NKAIN2: variants seen among roughly 807,000 people sequenced by gnomAD.
NKAIN2 encodes sodium/potassium transporting ATPase interacting 2.
In NKAIN2, 14 loss-of-function variants were observed where a neutral mutation model predicts 32.6. That is an observed-to-expected ratio of 0.43 (90% CI 0.28 to 0.67). The LOEUF (loss-of-function observed/expected upper bound fraction) is 0.67. NKAIN2 is among the 30% of genes least tolerant of loss of function. The pLI, the probability that NKAIN2 is intolerant of heterozygous loss-of-function variation, is 0.17. For synonymous variants in NKAIN2, 80 were observed against 87.2 expected (o/e 0.92, Z 0.46); for missense variants, 198 against 258.3 (o/e 0.77, Z 1.60).
intron 4 of NKAIN2, among the ~76,000 whole-genome samples, chr6:124,743,965 TAAAC>T (rs1777343713): frequency 6.6e-6 from 1 of 151,802 alleles, no homozygotes; most frequent in Admixed American, 6.6e-5. Flanking sequence ...TAATTTCTAA[TAAAC>T]AAAATAAAAA....
At chr6:124,012,416 A>C (rs1780379384) in intron 1 of NKAIN2, among the ~76,000 whole-genome samples, 3 of 150,486 alleles carry the variant, frequency 2.0e-5, no homozygotes, top group Admixed American at 1.3e-4. Flanking sequence ...GCTCACTGCA[A>C]GCTCCGCCTC....
rs944696366 is a variant in NKAIN2, at chr6:124,050,757, T to C, written c.55-232248T>C. 2.0e-5 allele frequency among the ~76,000 whole-genome samples: 3 copies of C among 152,082 alleles called. No homozygotes were observed. The East Asian group carries it at 5.8e-4, about 29-fold the overall frequency. On this transcript the variant is annotated intron_variant, in intron 1 of 6. Transcript: ENST00000368417. The stretch of plus-strand genomic sequence containing the variant: ...CTGTTTGTTTACTTCAATCCAACAA[T>C]GTAATTCAGTTGAAAGCATTTTATT...
At chr6:124,576,264 C>CT (rs1015333592) in intron 3 of NKAIN2, among the ~76,000 whole-genome samples, 9 of 152,102 alleles carry the variant, frequency 5.9e-5, no homozygotes, top group African/African-American at 1.9e-4. Flanking sequence ...GAACTAGTAA[C>CT]TTTTTTCATG....
intron 1 of NKAIN2, among the ~76,000 whole-genome samples, chr6:124,189,681 AAAAAAT>A (rs1165547013): frequency 1.3e-5 from 2 of 152,190 alleles, no homozygotes; most frequent in Non-Finnish European, 2.9e-5. Context: ...ACTCCATCTC[AAAAAAT>A]AAAAATAAAA....
chr6:124,448,098 A>G (rs905706652), intron 3 of NKAIN2, among the ~76,000 whole-genome samples: 5 of 152,114 alleles, frequency 3.3e-5, no homozygotes, highest in Non-Finnish European at 2.9e-5. Context: ...CTGTTTGTCA[A>G]CTAAATGGCG....
chr6:123,825,826 A>G (rs1774125338), intron 1 of NKAIN2, among the ~76,000 whole-genome samples: 1 of 152,138 alleles, frequency 6.6e-6, no homozygotes, highest in Non-Finnish European at 1.5e-5. Flanking sequence ...TTGGTATGAT[A>G]CGTGTTTTCA....
intron 1 of NKAIN2, among the ~76,000 whole-genome samples, chr6:124,024,585 T>A (rs576940808): frequency 1.3e-5 from 2 of 151,974 alleles, no homozygotes; most frequent in Non-Finnish European, 2.9e-5. Context: ...TATACTTAAA[T>A]TATCAGTTTT....
chr6:124,728,135 A>G (rs1370023154), intron 4 of NKAIN2, among the ~76,000 whole-genome samples: 1 of 138,820 alleles, frequency 7.2e-6, no homozygotes, highest in Non-Finnish European at 1.6e-5. Flanking sequence ...CACTGTCAAC[A>G]TTAGACAGAT....
chr6:124,394,531 T>C (rs373267244), intron 3 of NKAIN2, among the ~76,000 whole-genome samples: 2 of 149,684 alleles, frequency 1.3e-5, no homozygotes, highest in African/African-American at 4.9e-5. Context: ...GACAGACAGA[T>C]AGATACATAG....
At chr6:123,825,461 AC>A (rs1774109095) in intron 1 of NKAIN2, among the ~76,000 whole-genome samples, 1 of 152,188 alleles carries the variant, frequency 6.6e-6, no homozygotes, top group Non-Finnish European at 1.5e-5. Context: ...CCTATTTGGA[AC>A]ACAAAGATAT....
chr6:124,794,956 G>T (rs1426944643), intron 5 of NKAIN2: 7 of 405,422 alleles, frequency 1.7e-5, no homozygotes, highest in Admixed American at 1.3e-4. Flanking sequence ...AAAGTTGGGT[G>T]AAAGGTTAAA....
rs561878702 is a variant in NKAIN2 at position 124,602,507 on chromosome 6, T to C, written c.274-55679T>C. On this transcript the variant is annotated intron_variant, in intron 3 of 6. Transcript: ENST00000368417. ...AATTGAAACAAAGGCATAGGTAAAA[T>C]GAGTGTCGTGCATCAGAAATAAATG... is the stretch of plus-strand genomic sequence containing the variant. 2.6e-5 allele frequency among the ~76,000 whole-genome samples: 4 copies of C among 151,914 alleles called. No homozygotes were observed. The East Asian group carries it at 5.8e-4, about 22-fold the overall frequency.
intron 1 of NKAIN2, among the ~76,000 whole-genome samples, chr6:124,148,862 A>C (rs1787561000): frequency 6.6e-6 from 1 of 152,202 alleles, no homozygotes; most frequent in Admixed American, 6.5e-5. Context: ...TGTGTTTAAC[A>C]ATTTGAGAAG....
At chr6:124,772,065 A>G (rs1227980450) in intron 4 of NKAIN2, among the ~76,000 whole-genome samples, 5 of 152,228 alleles carry the variant, frequency 3.3e-5, no homozygotes, top group Non-Finnish European at 4.4e-5. Flanking sequence ...TTTGTCATGA[A>G]AGAGTGAGAA....
chr6:123,984,033 G>A (rs777994660), intron 1 of NKAIN2, among the ~76,000 whole-genome samples: 7 of 151,900 alleles, frequency 4.6e-5, no homozygotes, highest in African/African-American at 2.4e-5. Flanking sequence ...TCAGCCTCCC[G>A]AGTAGCTGGG....
chr6:124,501,459 A>G (rs1297060284), intron 3 of NKAIN2, among the ~76,000 whole-genome samples: 1 of 152,178 alleles, frequency 6.6e-6, no homozygotes, highest in Admixed American at 6.5e-5. Flanking sequence ...AAAAAACAAA[A>G]CAAAAACATT....
intron 3 of NKAIN2, among the ~76,000 whole-genome samples, chr6:124,610,851 G>A (rs185364264): frequency 3.9e-4 from 60 of 152,154 alleles, no homozygotes; most frequent in Admixed American, 3.9e-3. Context: ...TTAAAGAAAT[G>A]TACTTGACCA....
intron 1 of NKAIN2, among the ~76,000 whole-genome samples, chr6:123,858,503 A>T (rs959682515): frequency 1.3e-5 from 2 of 152,250 alleles, no homozygotes; most frequent in Non-Finnish European, 2.9e-5. Context: ...TAATTTTTCC[A>T]AATACATATT....
At chr6:124,077,436 A>G (rs1783743535) in intron 1 of NKAIN2, among the ~76,000 whole-genome samples, 2 of 152,156 alleles carry the variant, frequency 1.3e-5, no homozygotes, top group Non-Finnish European at 2.9e-5. Context: ...GCTCAGAAGG[A>G]GCAACTTCAC....
Sources: gnomAD v4.1 joint callset for allele counts (sites outside exome capture counted in the v4.1 genomes callset) on GRCh38, gnomAD v4.1.1 for gene constraint, MANE v1.5 for transcripts, NCBI Gene and HGNC (gene_info 2026-07-23, HGNC 2026-07-21) for gene names.